Variants in ANTXR1 observed in about 807,000 individuals in gnomAD.
ANTXR1 encodes the protein ANTXR cell adhesion molecule 1, also known as anthrax toxin receptor 1.
A neutral mutation model predicts 78.1 loss-of-function variants in ANTXR1; 19 were observed. The observed-to-expected ratio is 0.24, with a 90% CI of 0.17 to 0.36. The LOEUF is 0.36. Ranked by LOEUF, ANTXR1 falls within the 10% of genes least tolerant of loss-of-function variation. ANTXR1 has a pLI of 1.00. For missense variants in ANTXR1, 518 were observed against 718.6 expected, an observed-to-expected ratio of 0.72 and a Z score of 3.19; for synonymous variants, 273 against 260.5, an observed-to-expected ratio of 1.05 and a Z score of -0.46.
intron 10 of ANTXR1, among the ~76,000 whole-genome samples, chr2:69,105,526 C>G (rs191359854): frequency 6.6e-6 from 1 of 152,266 alleles, no homozygotes; most frequent in African/African-American, 2.4e-5. Context: ...ATAATATGAA[C>G]AAGAACCTGT....
chr2:69,037,657 A>T (rs564817352), intron 1 of ANTXR1, among the ~76,000 whole-genome samples: 2 of 151,924 alleles, frequency 1.3e-5, no homozygotes, highest in African/African-American at 4.8e-5. Context: ...TTTAGTAGAG[A>T]CGGGGTTTCG....
chr2:69,141,970 C>A (rs896796952), intron 12 of ANTXR1, among the ~76,000 whole-genome samples: 1 of 152,188 alleles, frequency 6.6e-6, no homozygotes, highest in African/African-American at 2.4e-5. Flanking sequence ...TACAAGTCCA[C>A]ATATTTGTCC....
At chr2:69,112,097 G>T (rs1672002937) in intron 10 of ANTXR1, among the ~76,000 whole-genome samples, 1 of 152,174 alleles carries the variant, frequency 6.6e-6, no homozygotes, top group Admixed American at 6.5e-5. Context: ...AGACGTAAAG[G>T]AGCGTACAGT....
chr2:69,119,388 A>G (rs77754751), intron 10 of ANTXR1, among the ~76,000 whole-genome samples: 10,282 of 152,256 alleles, frequency 0.068, 464 homozygotes, highest in Admixed American at 0.094. Context: ...GGCTATGTGG[A>G]CAGGAATCTG....
chr2:69,209,077 A>C (rs1230767113), intron 17 of ANTXR1, among the ~76,000 whole-genome samples: 1 of 152,216 alleles, frequency 6.6e-6, no homozygotes, highest in Non-Finnish European at 1.5e-5. Flanking sequence ...TATTAAAGCA[A>C]ACAAGCATTC....
intron 1 of ANTXR1, among the ~76,000 whole-genome samples, chr2:69,017,338 C>T (rs543018930): frequency 6.6e-6 from 1 of 152,266 alleles, no homozygotes; most frequent in South Asian, 2.1e-4. Flanking sequence ...CCTTGGGCTT[C>T]TTAGATCCTT....
chr2:69,245,399 C>T lies in ANTXR1; in HGVS notation c.1609C>T (p.Pro537Ser), dbSNP rs781657192. ...SAPTPPIPSP[P>S]STLPPPPQAP... ...CCCTACCCCTCCCATCCCGTCCCCACCTTCCACCCTTCCCCCTCCTCCCCA... is the reference window on the plus strand; with the variant it reads ...CCCTACCCCTCCCATCCCGTCCCCATCTTCCACCCTTCCCCCTCCTCCCCA... Residue 537 changes from proline to serine, a missense_variant, in exon 18 of 18, where the codon CCT becomes TCT. Coordinates refer to ENST00000303714, the MANE Select transcript of ANTXR1 (RefSeq NM_032208.3). 2.6e-6 allele frequency: 4 copies of T among 1,559,216 alleles called. No individual in the cohort carries two copies. Among genetic ancestry groups the T allele is most frequent in the Non-Finnish European group, 3.5e-6 (4 of 1,152,682 alleles).
Position 69,013,669 on chromosome 2 carries a change from T to A in ANTXR1, c.152+18T>A. 1 of 1,551,024 alleles carries A rather than the reference T, an allele frequency of 6.4e-7. No individual in the cohort carries two copies. ...TTGGACAAGTAAGTGCCGCGAGTTG[T>A]CCCCCCCACCCCAGGCTAAGCGGGC... On this transcript the variant is annotated intron_variant, in intron 1 of 17. Coordinates refer to ENST00000303714, the MANE Select transcript of ANTXR1 (RefSeq NM_032208.3). The surrounding 1 kb of genome is among the most constrained non-coding windows in gnomAD (Gnocchi z 5.0).
At position 69,113,164 on chromosome 2, in the gene ANTXR1, T is replaced by C. The variant is rs1359437645; in HGVS notation, c.803-9853T>C. Among the ~76,000 whole-genome samples, 5 of 152,154 alleles carry C rather than the reference T, an allele frequency of 3.3e-5. No homozygotes were observed. The East Asian group carries it at 9.7e-4, about 29-fold the overall frequency. ...TGCATGTCTGGGAGAGATTTGCTTG[T>C]GAACTTCTCTGAAACCCACCTTCCC... On this transcript the variant is annotated intron_variant, in intron 10 of 17. Coordinates refer to ENST00000303714, the MANE Select transcript of ANTXR1 (RefSeq NM_032208.3).
intron 16 of ANTXR1, among the ~76,000 whole-genome samples, chr2:69,187,771 G>A (rs1674456504): frequency 1.3e-5 from 2 of 150,006 alleles, no homozygotes; most frequent in East Asian, 3.9e-4. Flanking sequence ...TATTTTTTTT[G>A]GTACAGACTG....
chr2:69,236,810 A>C (rs1242624527), intron 17 of ANTXR1, among the ~76,000 whole-genome samples: 1 of 152,246 alleles, frequency 6.6e-6, no homozygotes, highest in Non-Finnish European at 1.5e-5. Context: ...GCAACCATTG[A>C]AAATGACAGG....
intron 4 of ANTXR1, among the ~76,000 whole-genome samples, chr2:69,071,428 A>C (rs74990591): frequency 0.029 from 4,436 of 152,322 alleles, 206 homozygotes; most frequent in African/African-American, 0.1. Flanking sequence ...ATGGTAATGC[A>C]TTGAACTACA....
At chr2:69,205,675 T>C (rs1371307866) in intron 17 of ANTXR1, among the ~76,000 whole-genome samples, 2 of 152,062 alleles carry the variant, frequency 1.3e-5, no homozygotes, top group Non-Finnish European at 2.9e-5. Context: ...ATGGTTTTTT[T>C]CTGCAACCTC....
At chr2:69,044,716 C>T in intron 2 of ANTXR1, 26 bp from the exon 3 acceptor site, 2 of 1,612,220 alleles carry the variant, frequency 1.2e-6, no homozygotes. Flanking sequence ...ATTGTCTGTC[C>T]TAATAGAGCT....
intron 12 of ANTXR1, among the ~76,000 whole-genome samples, chr2:69,125,066 T>C (rs1403940407): frequency 6.6e-6 from 1 of 152,134 alleles, no homozygotes; most frequent in East Asian, 1.9e-4. Context: ...GGGTATGAGC[T>C]GAAGGAAAAT....
At chr2:69,173,357 G>A (rs1269617188) in intron 14 of ANTXR1, among the ~76,000 whole-genome samples, 1 of 152,174 alleles carries the variant, frequency 6.6e-6, no homozygotes, top group Non-Finnish European at 1.5e-5. Context: ...GAGTCTCTCA[G>A]TTTCCATCTT....
intron 11 of ANTXR1, 132 bp from the exon 12 acceptor site, chr2:69,124,433 T>A: frequency 1.2e-6 from 1 of 805,394 alleles, no homozygotes; most frequent in South Asian, 1.4e-5. Flanking sequence ...AGACCCCTCC[T>A]CCCCTGGAGA....
At chr2:69,236,602 A>G (rs1675769667) in intron 17 of ANTXR1, among the ~76,000 whole-genome samples, 1 of 152,242 alleles carries the variant, frequency 6.6e-6, no homozygotes, top group Non-Finnish European at 1.5e-5. Flanking sequence ...AACTGTTAAA[A>G]TGTGCATAAA....
In ANTXR1 at chr2:69,040,040, C is replaced by T; in HGVS notation, c.153-4C>T. Reference sequence around the variant, plus strand: ...TCACGCAACACCTGCTTTTGTTTTCCTAGATCAGGAAGTGTGCTGCACCAC... The same window carrying T: ...TCACGCAACACCTGCTTTTGTTTTCTTAGATCAGGAAGTGTGCTGCACCAC... On this transcript the variant is annotated splice_polypyrimidine_tract_variant and splice_region_variant and intron_variant, in intron 1 of 17. Coordinates refer to ENST00000303714, the MANE Select transcript of ANTXR1 (RefSeq NM_032208.3). 1 of 1,612,978 alleles carries T rather than the reference C, an allele frequency of 6.2e-7. No individual in the cohort carries two copies. Among genetic ancestry groups the T allele is most frequent in the African/African-American group, 1.3e-5 (1 of 74,962 alleles).
Sources: allele counts gnomAD v4.1 joint callset (sites outside exome capture counted in the v4.1 genomes callset), GRCh38; gene constraint gnomAD v4.1.1; non-coding constraint Gnocchi (gnomAD v3.1); transcripts MANE v1.5; gene names NCBI Gene and HGNC (gene_info 2026-07-23, HGNC 2026-07-21).